Variants in PLCG1 observed in about 807,000 individuals in gnomAD.
PLCG1 encodes phospholipase C gamma 1, also known as 1-phosphatidylinositol 4,5-bisphosphate phosphodiesterase gamma-1.
Under a neutral mutation model 177.8 loss-of-function variants are expected in PLCG1, and 71 were observed. The ratio of observed to expected loss-of-function variants is 0.40; its 90% CI spans 0.33 to 0.49. The LOEUF (loss-of-function observed/expected upper bound fraction) is 0.49, where lower values mean the gene tolerates loss of function less well. Ranked by LOEUF, PLCG1 falls within the 20% of genes least tolerant of loss-of-function variation. The probability of loss-of-function intolerance (pLI) is 0.72; values close to 1 mark genes in which losing one functional copy is unlikely to be tolerated. For missense variants in PLCG1, 1,281 were observed against 1,709.0 expected, an observed-to-expected ratio of 0.75 and a Z score of 4.42; for synonymous variants, 658 against 647.9, an observed-to-expected ratio of 1.02 and a Z score of -0.24.
intron 6 of PLCG1, 90 bp from the exon 7 acceptor site, chr20:41,162,868 C>T (rs1232618439): frequency 7.3e-7 from 1 of 1,368,006 alleles, no homozygotes; most frequent in African/African-American, 1.4e-5. Context: ...AGGCCTGCCC[C>T]CATCTGCTGC....
intron 1 of PLCG1, among the ~76,000 whole-genome samples, chr20:41,149,280 G>A (rs987631987): frequency 1.3e-5 from 2 of 152,144 alleles, no homozygotes; most frequent in Non-Finnish European, 2.9e-5. Flanking sequence ...TGAGGTACTT[G>A]TATTCCAAGT....
Position 41,173,357 on chromosome 20 carries a change from C to A in PLCG1, c.3280-63C>A. 6.8e-6 allele frequency: 10 copies of A among 1,470,654 alleles called. No homozygotes were observed. Among genetic ancestry groups the A allele is most frequent in the Non-Finnish European group, 9.1e-6 (10 of 1,103,362 alleles). 91.1% of individuals were successfully genotyped at this position (1,470,654 alleles called of 1,614,324 possible). A position where few individuals can be genotyped will look rare whatever the true frequency, so the allele number is the denominator to read the frequency against. On this transcript the variant is annotated intron_variant, in intron 27 of 31. Coordinates refer to ENST00000685551, the MANE Select transcript of PLCG1 (RefSeq NM_002660.3). The surrounding 1 kb of genome is among the most constrained non-coding windows in gnomAD (Gnocchi z 6.2). ...CACTCCACAGATGCTGACTGAGCCT[C>A]CGCAGTGGGGAATTGGAGGGAGCAG...
In PLCG1 at chr20:41,146,335, A is replaced by G. The variant is rs2146005088; in HGVS notation, c.217+8477A>G. On this transcript the variant is annotated intron_variant, in intron 1 of 31. Transcript: ENST00000685551. The surrounding 1 kb of genome is among the most constrained non-coding windows in gnomAD (Gnocchi z 6.3). ...GAGACAGCTGTGCCTAAAGTGCTGT[A>G]GGCTGGGCCTGAGGGCCAAGATGGA... 6.6e-6 allele frequency among the ~76,000 whole-genome samples: 1 copy of G among 152,352 alleles called. No homozygotes were observed. Among genetic ancestry groups the G allele is most frequent in the Non-Finnish European group, 1.5e-5 (1 of 68,022 alleles).
chr20:41,144,422 T>C lies in PLCG1; in HGVS notation c.217+6564T>C, dbSNP rs1054833471. On this transcript the variant is annotated intron_variant, in intron 1 of 31. Transcript: ENST00000685551. This position sits in a 1 kb window ranked among gnomAD's most constrained non-coding sequence, Gnocchi z 4.1. ...TCCATCTGTGGACAAGCTGGACTCA[T>C]TGCCTCAATTTCAAAACCCGTCCTG... 6.6e-5 allele frequency among the ~76,000 whole-genome samples: 10 copies of C among 152,210 alleles called. No homozygotes were observed. The highest frequency in any genetic ancestry group is 6.5e-5 in the Admixed American group (1 of 15,278).
At chr20:41,158,410 G>GC (rs2035389340) in intron 1 of PLCG1, among the ~76,000 whole-genome samples, 1 of 152,208 alleles carries the variant, frequency 6.6e-6, no homozygotes, top group African/African-American at 2.4e-5. Flanking sequence ...GCTAAGCCAA[G>GC]CTTTTTTCCT....
intron 1 of PLCG1, among the ~76,000 whole-genome samples, chr20:41,145,967 C>T (rs989786109): frequency 1.2e-4 from 19 of 152,154 alleles, no homozygotes; most frequent in Admixed American, 3.9e-4. Context: ...AGCTTTCTCC[C>T]CACTCTTTAC....
chr20:41,164,544 C>G lies in PLCG1; in HGVS notation c.1217+343C>G, dbSNP rs1028633402. On this transcript the variant is annotated intron_variant, in intron 12 of 31. Coordinates refer to ENST00000685551, the MANE Select transcript of PLCG1 (RefSeq NM_002660.3). This position sits in a 1 kb window ranked among gnomAD's most constrained non-coding sequence, Gnocchi z 6.4. ...CACAGCCCAGAAGATTGTCTCTGTT[C>G]CCTGTGTCCCATTCCTTCAATTCTG... Among the ~76,000 whole-genome samples, 1 of 152,118 alleles carries G rather than the reference C, an allele frequency of 6.6e-6. No individual in the cohort carries two copies. Among genetic ancestry groups the G allele is most frequent in the Non-Finnish European group, 1.5e-5 (1 of 68,018 alleles).
rs1011513565 is a variant in PLCG1 at position 41,164,522 on chromosome 20, A to G, written c.1217+321A>G. 2.0e-5 allele frequency among the ~76,000 whole-genome samples: 3 copies of G among 152,088 alleles called. No individual in the cohort carries two copies. Among genetic ancestry groups the G allele is most frequent in the African/African-American group, 7.2e-5 (3 of 41,400 alleles). ...GTCCTGCCAACTCCTTTGCCCTCAC[A>G]GCCCAGAAGATTGTCTCTGTTCCCT... On this transcript the variant is annotated intron_variant, in intron 12 of 31. Coordinates refer to ENST00000685551, the MANE Select transcript of PLCG1 (RefSeq NM_002660.3). This position sits in a 1 kb window ranked among gnomAD's most constrained non-coding sequence, Gnocchi z 6.4.
intron 4 of PLCG1, 23 bp from the exon 5 acceptor site, chr20:41,162,429 T>G (rs200243762): frequency 1.3e-6 from 2 of 1,591,396 alleles, no homozygotes; most frequent in Non-Finnish European, 8.6e-7. Context: ...ATGAGACCAC[T>G]GGGGATGTCC....
intron 24 of PLCG1, chr20:41,170,783 C>T (rs2035873076): frequency 6.5e-6 from 1 of 153,060 alleles, no homozygotes; most frequent in Non-Finnish European, 1.5e-5. Context: ...TTGCAAGTGC[C>T]CTTTGGATTC....
chr20:41,154,249 C>T (rs1600646410), intron 1 of PLCG1, among the ~76,000 whole-genome samples: 1 of 152,322 alleles, frequency 6.6e-6, no homozygotes, highest in East Asian at 1.9e-4. Flanking sequence ...GGACCTCTGT[C>T]TGTTGGGCTA....
chr20:41,168,656 C>T, intron 20 of PLCG1, 111 bp from the exon 21 acceptor site: 1 of 682,682 alleles, frequency 1.5e-6, no homozygotes, highest in Admixed American at 2.2e-5. Flanking sequence ...CTCCCACTGG[C>T]CTGACCCCAG....
rs2146039652 is a variant in PLCG1, at chr20:41,163,601, C to T, written c.892-114C>T. The T allele has an allele frequency of 8.6e-6, 9 of 1,048,204 alleles. No homozygotes were observed. Among genetic ancestry groups the T allele is most frequent in the Admixed American group, 3.4e-5 (2 of 58,574 alleles). 64.9% of individuals were successfully genotyped at this position (1,048,204 alleles called of 1,614,324 possible). On this transcript the variant is annotated intron_variant, in intron 9 of 31. Coordinates refer to ENST00000685551, the MANE Select transcript of PLCG1 (RefSeq NM_002660.3). The surrounding 1 kb of genome is among the most constrained non-coding windows in gnomAD (Gnocchi z 5.2). ...CCACCTTGTTTCTACCTACTGTGCA[C>T]CTTGCCCACCCCCAGTTGGGACAGA...
At chr20:41,162,777 A>G in intron 6 of PLCG1, 52 bp downstream of exon 6, 1 of 1,477,208 alleles carries the variant, frequency 6.8e-7, no homozygotes, top group Non-Finnish European at 9.4e-7. Flanking sequence ...CTTCCACCCC[A>G]CACCCCAGCT....
In PLCG1 at chr20:41,160,957, G is replaced by A. The variant is rs2035474309; in HGVS notation, c.512+804G>A. 6.6e-6 allele frequency among the ~76,000 whole-genome samples: 1 copy of A among 152,156 alleles called. No homozygotes were observed. Among genetic ancestry groups the A allele is most frequent in the African/African-American group, 2.4e-5 (1 of 41,432 alleles). On this transcript the variant is annotated intron_variant, in intron 4 of 31. Transcript: ENST00000685551. The surrounding 1 kb of genome is among the most constrained non-coding windows in gnomAD (Gnocchi z 5.5). The stretch of plus-strand genomic sequence containing the variant: ...TTCGAGGCATGTTAAGTTTTCTGAT[G>A]CCTATTAGCTGTCCAGGGAGAGATG...
In PLCG1 at chr20:41,164,914, C is replaced by T. The variant is rs1374988342; in HGVS notation, c.1218-19C>T. 1 of 1,608,862 alleles carries T rather than the reference C, an allele frequency of 6.2e-7. No homozygotes were observed. Among genetic ancestry groups the T allele is most frequent in the Non-Finnish European group, 8.5e-7 (1 of 1,176,524 alleles). ...GAATTGCAGAATCTGTTTCACTGTGCTTGTCCCCCATCCCGCAGGTACCCA... is the reference window on the plus strand; with the variant it reads ...GAATTGCAGAATCTGTTTCACTGTGTTTGTCCCCCATCCCGCAGGTACCCA... On this transcript the variant is annotated intron_variant, in intron 12 of 31. Transcript: ENST00000685551. This position sits in a 1 kb window ranked among gnomAD's most constrained non-coding sequence, Gnocchi z 6.4.
intron 24 of PLCG1, 80 bp downstream of exon 24, chr20:41,170,349 C>A: frequency 6.6e-7 from 1 of 1,509,082 alleles, no homozygotes; most frequent in Non-Finnish European, 9.1e-7. Flanking sequence ...CAGCACAGGC[C>A]CCCTCAGAGC....
Position 41,160,197 on chromosome 20 carries a change from G to A in PLCG1, c.512+44G>A. On this transcript the variant is annotated intron_variant, in intron 4 of 31. Transcript: ENST00000685551. The surrounding 1 kb of genome is among the most constrained non-coding windows in gnomAD (Gnocchi z 5.5). Reference sequence around the variant, plus strand: ...CTGTAGCCCAGCAGGGTGGGGATGGGCATCCAGAACCTTAGCCAGGCCTCT... The same window carrying A: ...CTGTAGCCCAGCAGGGTGGGGATGGACATCCAGAACCTTAGCCAGGCCTCT... 6.3e-7 allele frequency: 1 copy of A among 1,583,732 alleles called. No homozygotes were observed.
rs772920572 is a variant in PLCG1 at position 41,173,826 on chromosome 20, C to T, written c.3556+13C>T. On this transcript the variant is annotated intron_variant, in intron 29 of 31. Transcript: ENST00000685551. The surrounding 1 kb of genome is among the most constrained non-coding windows in gnomAD (Gnocchi z 6.2). ...GGCCTGAAGACAGGTGAGGACCATTCCTGGAGGCAGTGCCCCTGCAATCTT... is the reference window on the plus strand; with the variant it reads ...GGCCTGAAGACAGGTGAGGACCATTTCTGGAGGCAGTGCCCCTGCAATCTT... 3.1e-6 allele frequency: 5 copies of T among 1,612,166 alleles called. No individual in the cohort carries two copies. In the Admixed American group the frequency reaches 5.0e-5, roughly 16 times the overall value.
Sources: gnomAD v4.1 joint callset for allele counts (sites outside exome capture counted in the v4.1 genomes callset) on GRCh38, gnomAD v4.1.1 for gene constraint, Gnocchi (gnomAD v3.1) non-coding constraint, MANE v1.5 for transcripts, NCBI Gene and HGNC (gene_info 2026-07-23, HGNC 2026-07-21) for gene names.